ITSN1: variants seen among roughly 807,000 people sequenced by gnomAD.
ITSN1 encodes intersectin-1.
In ITSN1, 58 loss-of-function variants were observed where a neutral mutation model predicts 239.8. That is an observed-to-expected ratio of 0.24 (90% CI 0.20 to 0.30). The LOEUF (loss-of-function observed/expected upper bound fraction) is 0.30, where lower values mean the gene tolerates loss of function less well. Among genes scored for constraint, ITSN1 ranks in the 10% least tolerant of loss-of-function variants. The pLI is 1.00. For synonymous variants in ITSN1, 780 were observed against 770.8 expected (o/e 1.01, Z -0.20); for missense variants, 1,558 against 2,103.3 (o/e 0.74, Z 5.07).
chr21:33,795,318 A>G (rs969592000), intron 17 of ITSN1, among the ~76,000 whole-genome samples: 1 of 152,240 alleles, frequency 6.6e-6, no homozygotes. Flanking sequence ...GCACGGTGGC[A>G]CGCGCCTGTA....
intron 24 of ITSN1, among the ~76,000 whole-genome samples, chr21:33,820,685 C>A (rs1225806464): frequency 6.6e-6 from 1 of 152,118 alleles, no homozygotes; most frequent in African/African-American, 2.4e-5. Flanking sequence ...CTAAACAAAT[C>A]CAGCATCTAA....
chr21:33,802,748 T>A (rs1382010052), intron 20 of ITSN1, among the ~76,000 whole-genome samples: 1 of 152,188 alleles, frequency 6.6e-6, no homozygotes, highest in Non-Finnish European at 1.5e-5. Context: ...CCAAGTAGAT[T>A]AAACATAAAA....
At chr21:33,734,330 A>G (rs908104756) in intron 4 of ITSN1, among the ~76,000 whole-genome samples, 5 of 152,214 alleles carry the variant, frequency 3.3e-5, no homozygotes, top group Admixed American at 1.3e-4. Context: ...ACTTTACATT[A>G]AAGCTCATTA....
chr21:33,864,496 C>T (rs1182033782), intron 31 of ITSN1, among the ~76,000 whole-genome samples: 1 of 152,192 alleles, frequency 6.6e-6, no homozygotes, highest in African/African-American at 2.4e-5. Context: ...ACTTCCCAGT[C>T]CCATCAACAC....
chr21:33,787,596 C>T (rs182016683), intron 16 of ITSN1, among the ~76,000 whole-genome samples: 14 of 152,026 alleles, frequency 9.2e-5, no homozygotes, highest in Admixed American at 2.0e-4. Context: ...ATGGGAGGCT[C>T]ATTCATTATG....
intron 1 of ITSN1, among the ~76,000 whole-genome samples, chr21:33,649,996 T>C (rs1341294708): frequency 7.4e-6 from 1 of 135,236 alleles, no homozygotes; most frequent in Admixed American, 8.0e-5. Context: ...ACCATTACAC[T>C]CCAGCCTTGG....
chr21:33,859,924 G>A (rs1453200292), intron 31 of ITSN1, among the ~76,000 whole-genome samples: 1 of 152,202 alleles, frequency 6.6e-6, no homozygotes, highest in Non-Finnish European at 1.5e-5. Context: ...TAGGTCTGGT[G>A]TCACACCCTT....
At chr21:33,775,799 A>G (rs1378151529) in intron 14 of ITSN1, among the ~76,000 whole-genome samples, 1 of 152,188 alleles carries the variant, frequency 6.6e-6, no homozygotes, top group African/African-American at 2.4e-5. Flanking sequence ...AGGGGGTCAT[A>G]TGAGAGCTAT....
chr21:33,679,170 G>T (rs995802711), intron 1 of ITSN1, among the ~76,000 whole-genome samples: 1 of 152,104 alleles, frequency 6.6e-6, no homozygotes, highest in Non-Finnish European at 1.5e-5. Context: ...CAAAGCCTTT[G>T]TATAACCTTA....
intron 4 of ITSN1, 74 bp downstream of exon 4, chr21:33,722,725 A>G (rs1232116566): frequency 9.4e-6 from 13 of 1,376,818 alleles, no homozygotes; most frequent in Admixed American, 2.7e-5. Flanking sequence ...CTATTTGGTA[A>G]TATGATTTCT....
chr21:33,700,052 T>C (rs563437472), intron 1 of ITSN1, among the ~76,000 whole-genome samples: 2 of 151,442 alleles, frequency 1.3e-5, no homozygotes, highest in South Asian at 4.2e-4. Context: ...GTGAGCCACC[T>C]GCCCTGCTTG....
At chr21:33,765,265 C>T (rs940439249) in intron 9 of ITSN1, among the ~76,000 whole-genome samples, 4 of 152,170 alleles carry the variant, frequency 2.6e-5, no homozygotes, top group African/African-American at 7.2e-5. Context: ...ATAATCCCAG[C>T]GATTTGATAG....
intron 1 of ITSN1, among the ~76,000 whole-genome samples, chr21:33,661,424 G>T (rs1364155282): frequency 2.6e-5 from 4 of 151,824 alleles, no homozygotes. Flanking sequence ...AAGACATCCT[G>T]TTGTAAAACT....
Position 33,797,475 on chromosome 21 carries a change from A to G in ITSN1, c.2049A>G (p.Lys683=). 6.2e-7 allele frequency: 1 copy of G among 1,614,142 alleles called. No homozygotes were observed. The highest frequency in any genetic ancestry group is 8.5e-7 in the Non-Finnish European group (1 of 1,180,036). ...PRKLHEEEKL[K]REESVKKKDG... is the part of the protein sequence containing the mutation. ...AACTCCACGAAGAGGAAAAACTGAA[A>G]AGGGAGGAGAGTGTCAAAAAGAAGG... Residue 683 remains lysine (K), a synonymous_variant, in exon 18 of 40, where the codon AAA becomes AAG. Coordinates refer to ENST00000381318, the MANE Select transcript of ITSN1 (RefSeq NM_003024.3). This position sits in a 1 kb window ranked among gnomAD's most constrained non-coding sequence, Gnocchi z 4.9.
chr21:33,879,950 G>T (rs1227370414), intron 34 of ITSN1, among the ~76,000 whole-genome samples: 2 of 152,262 alleles, frequency 1.3e-5, no homozygotes, highest in African/African-American at 2.4e-5. Context: ...AAAGTGTTGG[G>T]ATTACAGGTG....
rs562525232 is a variant in ITSN1 at position 33,682,459 on chromosome 21, CCCGCCT to C, written c.-32-36336_-32-36331del. Among the ~76,000 whole-genome samples, 447 of 152,254 alleles carry C rather than the reference CCCGCCT, an allele frequency of 2.9e-3. 3 individuals carry two copies. The highest frequency in any genetic ancestry group is 0.01 in the African/African-American group (422 of 41,562). On this transcript the variant is annotated intron_variant, in intron 1 of 39. Coordinates refer to ENST00000381318, the MANE Select transcript of ITSN1 (RefSeq NM_003024.3). Reference sequence around the variant, plus strand: ...CGAACTCCCGACCTCAGGTGATCCACCCGCCTCGGCCTCCCAAAGTGCAGGGGTTAC... The same window carrying C: ...CGAACTCCCGACCTCAGGTGATCCACCGGCCTCCCAAAGTGCAGGGGTTAC...
At chr21:33,702,054 C>T (rs1044867964) in intron 1 of ITSN1, among the ~76,000 whole-genome samples, 6 of 151,646 alleles carry the variant, frequency 4.0e-5, no homozygotes, top group East Asian at 3.9e-4. Flanking sequence ...GGCGAAAGAG[C>T]GAAACTCTCT....
At position 33,864,327 on chromosome 21, in the gene ITSN1, G is replaced by T. The variant is rs1170699486; in HGVS notation, c.3891-824G>T. Among the ~76,000 whole-genome samples the T allele has an allele frequency of 3.3e-5, 5 of 152,198 alleles. No homozygotes were observed. The East Asian group carries it at 9.6e-4, about 29-fold the overall frequency. ...TGGCTTCATGTTGTGGTCCTGCCAT[G>T]TAGTACCTTGCTGTCCTTACCGTGT... On this transcript the variant is annotated intron_variant, in intron 31 of 39. Transcript: ENST00000381318.
intron 5 of ITSN1, 187 bp downstream of exon 5, chr21:33,735,391 G>C (rs546633171): frequency 1.4e-6 from 1 of 693,368 alleles, no homozygotes; most frequent in African/African-American, 1.8e-5. Flanking sequence ...TTGAACCCTG[G>C]GATGTAAAGT....
Sources: allele counts gnomAD v4.1 joint callset (sites outside exome capture counted in the v4.1 genomes callset), GRCh38; gene constraint gnomAD v4.1.1; non-coding constraint Gnocchi (gnomAD v3.1); transcripts MANE v1.5; gene names NCBI Gene and HGNC (gene_info 2026-07-23, HGNC 2026-07-21).